The following GTF3C1 variants were observed in gnomAD, a reference collection of about 807,000 sequenced individuals.
The protein encoded by GTF3C1 is general transcription factor IIIC subunit 1, also known as general transcription factor 3C polypeptide 1.
A neutral mutation model predicts 226.7 loss-of-function variants in GTF3C1; 57 were observed. The ratio of observed to expected loss-of-function variants is 0.25; its 90% CI spans 0.20 to 0.31. The LOEUF (loss-of-function observed/expected upper bound fraction) is 0.31. Ranked by LOEUF, GTF3C1 falls within the 10% of genes least tolerant of loss-of-function variation. The pLI, the probability that GTF3C1 is intolerant of heterozygous loss-of-function variation, is 1.00. For synonymous variants in GTF3C1, 1,090 were observed against 1,084.8 expected, an observed-to-expected ratio of 1.00 and a Z score of -0.09; for missense variants, 2,217 against 2,776.1, an observed-to-expected ratio of 0.80 and a Z score of 4.53.
At position 27,545,665 on chromosome 16, in the gene GTF3C1, C is replaced by G. The variant is rs187571211; in HGVS notation, c.222-142G>C. ...TTCCTGCCTTATAAATGCAGATAAT[C>G]TTGACAAGCAGGTTCCTGCCTTTCT... On this transcript the variant is annotated intron_variant, in intron 1 of 36. Coordinates refer to ENST00000356183, the MANE Select transcript of GTF3C1 (RefSeq NM_001520.4). The G allele has an allele frequency of 1.0e-4, 65 of 634,222 alleles. No individual in the cohort carries two copies. In the African/African-American group the frequency reaches 1.1e-3, roughly 10 times the overall value. The allele number at this position is 634,222 out of a possible 1,614,324, so 39.3% of individuals were successfully genotyped here. A position where few individuals can be genotyped will look rare whatever the true frequency, so the allele number is the denominator to read the frequency against.
chr16:27,529,356 T>C (rs1174958900), intron 5 of GTF3C1, among the ~76,000 whole-genome samples: 1 of 151,474 alleles, frequency 6.6e-6, no homozygotes, highest in African/African-American at 2.4e-5. Context: ...GGGTGAGAAC[T>C]GCTTGAACTG....
intron 19 of GTF3C1, among the ~76,000 whole-genome samples, chr16:27,490,531 G>A (rs1395545374): frequency 4.6e-5 from 7 of 152,188 alleles, no homozygotes; most frequent in Admixed American, 4.6e-4. Flanking sequence ...CCATATGGTG[G>A]TGGCAGTGGA....
In GTF3C1 at chr16:27,465,649, T is replaced by A. The variant is rs931208219; in HGVS notation, c.5075-109A>T. ...GCATGCTCCAGCACCAACTCACTGCTTCCCCGACAGCCACAGGGGTCACCT... is the reference window on the plus strand; with the variant it reads ...GCATGCTCCAGCACCAACTCACTGCATCCCCGACAGCCACAGGGGTCACCT... On this transcript the variant is annotated intron_variant, in intron 32 of 36. Transcript: ENST00000356183. 9 of 853,754 alleles carry A rather than the reference T, an allele frequency of 1.1e-5. No individual in the cohort carries two copies. The Admixed American group carries it at 2.3e-4, about 22-fold the overall frequency. The allele number at this position is 853,754 out of a possible 1,614,324, so 52.9% of individuals were successfully genotyped here. A position where few individuals can be genotyped will look rare whatever the true frequency, so the allele number is the denominator to read the frequency against.
At chr16:27,540,571 T>C (rs557881576) in intron 2 of GTF3C1, among the ~76,000 whole-genome samples, 1 of 152,330 alleles carries the variant, frequency 6.6e-6, no homozygotes, top group African/African-American at 2.4e-5. Context: ...GGTCATCTTA[T>C]AGGTTATCAA....
intron 1 of GTF3C1, among the ~76,000 whole-genome samples, chr16:27,548,310 C>T (rs560471641): frequency 1.3e-5 from 2 of 152,294 alleles, no homozygotes; most frequent in East Asian, 3.9e-4. Context: ...CTCTGTCACC[C>T]AGGCTGGAGT....
chr16:27,536,986 C>T (rs1443130471), intron 4 of GTF3C1, among the ~76,000 whole-genome samples: 1 of 152,238 alleles, frequency 6.6e-6, no homozygotes, highest in Non-Finnish European at 1.5e-5. Context: ...CTCACTCCCC[C>T]AGTCTCCCTG....
At chr16:27,495,047 A>G (rs2088295063) in intron 15 of GTF3C1, 139 bp from the exon 16 acceptor site, 2 of 885,824 alleles carry the variant, frequency 2.3e-6, no homozygotes, top group Non-Finnish European at 3.5e-6. Flanking sequence ...GCAGGAAGGA[A>G]GATGAGGAAG....
chr16:27,495,590 G>A, intron 14 of GTF3C1, 98 bp from the exon 15 acceptor site: 1 of 1,130,198 alleles, frequency 8.8e-7, no homozygotes, highest in South Asian at 1.5e-5. Context: ...TGTGCCAGGG[G>A]CCAGAAAGAT....
Position 27,471,580 on chromosome 16 carries a change from CGAA to C in GTF3C1, c.4526+165_4526+167del. The stretch of plus-strand genomic sequence containing the variant: ...CAGCGCTCACCTGATCCCCATACCA[CGAA>C]GGAGGTAAGGGGCTGCAGGAAACCC... On this transcript the variant is annotated intron_variant, in intron 30 of 36. Transcript: ENST00000356183. The surrounding 1 kb of genome is among the most constrained non-coding windows in gnomAD (Gnocchi z 5.0). The C allele has an allele frequency of 1.7e-6, 1 of 601,888 alleles. No homozygotes were observed. Among genetic ancestry groups the C allele is most frequent in the Non-Finnish European group, 3.0e-6 (1 of 336,946 alleles). 37.3% of individuals were successfully genotyped at this position (601,888 alleles called of 1,614,324 possible). A position where few individuals can be genotyped will look rare whatever the true frequency, so the allele number is the denominator to read the frequency against.
At chr16:27,508,519 G>C (rs776855158) in intron 8 of GTF3C1, 21 bp downstream of exon 8, 1 of 1,543,410 alleles carries the variant, frequency 6.5e-7, no homozygotes, top group African/African-American at 1.4e-5. Flanking sequence ...ACGAGTGTTG[G>C]GGGAAGGCTC....
intron 28 of GTF3C1, among the ~76,000 whole-genome samples, chr16:27,477,941 G>A (rs1250764759): frequency 1.3e-5 from 2 of 152,284 alleles, no homozygotes; most frequent in South Asian, 2.1e-4. Context: ...AGACCAAGGT[G>A]GGCAGATCAC....
intron 16 of GTF3C1, 49 bp downstream of exon 16, chr16:27,494,714 C>G (rs2088288521): frequency 6.7e-7 from 1 of 1,486,862 alleles, no homozygotes; most frequent in Middle Eastern, 1.7e-4. Flanking sequence ...GGCCCTCCAG[C>G]CCAGAGCTGA....
chr16:27,530,945 G>T (rs1480375833), intron 5 of GTF3C1, among the ~76,000 whole-genome samples: 1 of 152,098 alleles, frequency 6.6e-6, no homozygotes, highest in African/African-American at 2.4e-5. Flanking sequence ...CACTCACCAC[G>T]TCCTGTTAGT....
rs1567402238 is a variant in GTF3C1, at chr16:27,505,995, G to A, written c.1674C>T (p.Ser558=). The A allele has an allele frequency of 5.0e-6, 8 of 1,612,582 alleles. No individual in the cohort carries two copies. The highest frequency in any genetic ancestry group is 4.0e-5 in the African/African-American group (3 of 75,008). ...ASRDSLLDTS[S]VSEPNVSFVS... is the part of the protein sequence containing the mutation. ...CAAAGGACACGTTGGGTTCTGAGAC[G>A]CTGCTGGTATCTAAGAGGCTGTCCC... The change falls in exon 10 of 37, where the codon AGC becomes AGT. Residue 558 remains serine, a synonymous_variant. Transcript: ENST00000356183.
intron 6 of GTF3C1, among the ~76,000 whole-genome samples, chr16:27,521,390 C>T (rs1394263258): frequency 2.6e-5 from 4 of 152,268 alleles, no homozygotes; most frequent in African/African-American, 7.2e-5. Flanking sequence ...TTCCAGCCTG[C>T]TTCTCTTCCC....
rs2141335106 is a variant in GTF3C1 at position 27,461,793 on chromosome 16, C to T, written c.6118-231G>A. 1.8e-6 allele frequency: 1 copy of T among 551,330 alleles called. No individual in the cohort carries two copies. Among genetic ancestry groups the T allele is most frequent in the East Asian group, 2.9e-5 (1 of 34,548 alleles). 34.2% of individuals were successfully genotyped at this position (551,330 alleles called of 1,614,324 possible). ...ACGTGTACAGCGCTGGCTGGAGCCA[C>T]CACGCTGAATCTCATTTGTGGAGGA... On this transcript the variant is annotated intron_variant, in intron 36 of 36. Transcript: ENST00000356183. This position sits in a 1 kb window ranked among gnomAD's most constrained non-coding sequence, Gnocchi z 5.3.
chr16:27,479,616 G>A (rs946446239), intron 27 of GTF3C1, among the ~76,000 whole-genome samples: 10 of 152,214 alleles, frequency 6.6e-5, no homozygotes, highest in East Asian at 1.9e-4. Context: ...TTACAGGCAC[G>A]TGCCACCACG....
At chr16:27,491,445 C>T (rs1044122658) in intron 19 of GTF3C1, among the ~76,000 whole-genome samples, 76 of 152,160 alleles carry the variant, frequency 5.0e-4, no homozygotes, top group African/African-American at 1.8e-3. Flanking sequence ...CGACACTTTG[C>T]GACACATCAT....
chr16:27,461,234 C>G lies in GTF3C1; in HGVS notation c.*116G>C. 2 of 661,730 alleles carry G rather than the reference C, an allele frequency of 3.0e-6. No individual in the cohort carries two copies. The highest frequency in any genetic ancestry group is 5.3e-6 in the Non-Finnish European group (2 of 376,276). The allele number at this position is 661,730 out of a possible 1,614,324, so 41.0% of individuals were successfully genotyped here. Reference sequence around the variant, plus strand: ...TGTGACTCTGGCCAAAGCACCCGTCCCCTGCTGCAGGAGGCTCGGCAGACC... The same window carrying G: ...TGTGACTCTGGCCAAAGCACCCGTCGCCTGCTGCAGGAGGCTCGGCAGACC... On this transcript the variant is annotated 3_prime_UTR_variant, in exon 37 of 37. Transcript: ENST00000356183. This position sits in a 1 kb window ranked among gnomAD's most constrained non-coding sequence, Gnocchi z 5.3.
Sources: allele counts gnomAD v4.1 joint callset (sites outside exome capture counted in the v4.1 genomes callset), GRCh38; gene constraint gnomAD v4.1.1; non-coding constraint Gnocchi (gnomAD v3.1); transcripts MANE v1.5; gene names NCBI Gene and HGNC (gene_info 2026-07-23, HGNC 2026-07-21).